The following SPINK1 variants were observed in gnomAD, a reference collection of about 807,000 sequenced individuals.
The protein encoded by SPINK1 is serine protease inhibitor Kazal-type 1.
A neutral mutation model predicts 9.5 loss-of-function variants in SPINK1; 5 were observed. The observed-to-expected ratio is 0.52, with a 90% CI of 0.27 to 1.10. The LOEUF is 1.10. SPINK1 is among the 50% of genes least tolerant of loss of function. The probability of loss-of-function intolerance (pLI) is 0.11; values close to 1 mark genes in which losing one functional copy is unlikely to be tolerated. For synonymous variants in SPINK1, 37 were observed against 32.3 expected (o/e 1.14, Z -0.49); for missense variants, 88 against 92.7 (o/e 0.95, Z 0.21).
At chr5:147,835,119 G>T (rs1390990348), upstream of SPINK1, among the ~76,000 whole-genome samples, 4 of 151,894 alleles carry the variant, frequency 2.6e-5, no homozygotes, top group Admixed American at 6.6e-5. Flanking sequence ...AAGTTAAAGA[G>T]GATAAAAAAA....
chr5:147,832,655 A>G (rs1756528594), upstream of SPINK1, among the ~76,000 whole-genome samples: 1 of 152,186 alleles, frequency 6.6e-6, no homozygotes. Flanking sequence ...GATGCCCCTT[A>G]AATTGGCCTG....
chr5:147,831,518 C>A lies in SPINK1; in HGVS notation c.55+5G>T, dbSNP rs879076423. The A allele has an allele frequency of 6.2e-7, 1 of 1,613,456 alleles. No homozygotes were observed. Among genetic ancestry groups the A allele is most frequent in the Non-Finnish European group, 8.5e-7 (1 of 1,179,792 alleles). ...ATTTAAATTTGAAAAATATGCAACA[C>A]TTACCAGATAGACTCAACAGGGCCA... On this transcript the variant is annotated splice_donor_5th_base_variant and intron_variant, in intron 1 of 3. Coordinates refer to ENST00000296695, the MANE Select transcript of SPINK1 (RefSeq NM_001379610.1).
At chr5:147,833,902 C>T (rs1002579839), upstream of SPINK1, among the ~76,000 whole-genome samples, 1 of 152,248 alleles carries the variant, frequency 6.6e-6, no homozygotes, top group South Asian at 2.1e-4. Context: ...TTCCTTGCTA[C>T]GTTGGTCATT....
intron 3 of SPINK1, among the ~76,000 whole-genome samples, 198 bp from the exon 4 acceptor site, chr5:147,824,904 A>G (rs1045053213): frequency 6.6e-6 from 1 of 152,206 alleles, no homozygotes; most frequent in Non-Finnish European, 1.5e-5. Flanking sequence ...ATTACTGTTG[A>G]ATACACTAAG....
chr5:147,834,517 G>C (rs1160698507), upstream of SPINK1, among the ~76,000 whole-genome samples: 1 of 152,054 alleles, frequency 6.6e-6, no homozygotes, highest in East Asian at 1.9e-4. Context: ...TTTGATTTGA[G>C]ATGAAAATAT....
chr5:147,826,120 T>A (rs2436411), intron 3 of SPINK1, among the ~76,000 whole-genome samples: 151,996 of 152,296 alleles, frequency 1, 75,849 homozygotes, highest in East Asian at 1. Context: ...CAGATTCCCT[T>A]TGAAGACGTA....
At chr5:147,838,645 T>C in the SPINK1 span, among the ~76,000 whole-genome samples, 95 of 152,334 alleles carry the variant, frequency 6.2e-4, no homozygotes, top group East Asian at 0.016. Context: ...TATCTGATTA[T>C]TTTTTAACAA....
At chr5:147,836,485 T>C (rs992032023), upstream of SPINK1, among the ~76,000 whole-genome samples, 1 of 152,130 alleles carries the variant, frequency 6.6e-6, no homozygotes, top group South Asian at 2.1e-4. Context: ...GAAATTCTAA[T>C]TTTTCATTTT....
upstream of SPINK1, chr5:147,831,687 C>A: frequency 6.4e-7 from 1 of 1,552,962 alleles, no homozygotes; most frequent in South Asian, 1.2e-5. Flanking sequence ...CAAGGCCCCA[C>A]CTACTGGGCT....
chr5:147,830,988 A>G (rs1197057688), intron 1 of SPINK1, among the ~76,000 whole-genome samples: 1 of 152,216 alleles, frequency 6.6e-6, no homozygotes, highest in Non-Finnish European at 1.5e-5. Flanking sequence ...AATACCAGGA[A>G]TTGAAAATAA....
intron 2 of SPINK1, 132 bp downstream of exon 2, chr5:147,829,467 T>A: frequency 1.2e-6 from 1 of 815,988 alleles, no homozygotes; most frequent in Non-Finnish European, 2.1e-6. Context: ...TTTGCATTTC[T>A]CACGTTAACC....
chr5:147,833,201 T>C (rs2127140348), upstream of SPINK1, among the ~76,000 whole-genome samples: 1 of 152,254 alleles, frequency 6.6e-6, no homozygotes, highest in Non-Finnish European at 1.5e-5. Context: ...TTTGACATGT[T>C]TGAGAAACAT....
chr5:147,833,904 T>C (rs778942247), upstream of SPINK1, among the ~76,000 whole-genome samples: 2 of 152,174 alleles, frequency 1.3e-5, no homozygotes, highest in Non-Finnish European at 2.9e-5. Flanking sequence ...CCTTGCTACG[T>C]TGGTCATTTC....
upstream of SPINK1, among the ~76,000 whole-genome samples, chr5:147,832,447 T>C (rs972487206): frequency 1.7e-4 from 26 of 152,190 alleles, no homozygotes; most frequent in African/African-American, 6.3e-4. Context: ...GGTGTTTATA[T>C]AACAAACGAC....
the SPINK1 span, among the ~76,000 whole-genome samples, chr5:147,837,196 C>CA: frequency 2.0e-5 from 3 of 152,164 alleles, no homozygotes; most frequent in Non-Finnish European, 4.4e-5. Flanking sequence ...GTGCCTGGCA[C>CA]AGCACCCTTT....
At chr5:147,836,731 G>A in the SPINK1 span, among the ~76,000 whole-genome samples, 4 of 152,060 alleles carry the variant, frequency 2.6e-5, no homozygotes, top group Non-Finnish European at 4.4e-5. Flanking sequence ...GTCTTTCTTG[G>A]TCATTTCCCG....
At chr5:147,832,231 T>C (rs371299291), upstream of SPINK1, among the ~76,000 whole-genome samples, 14 of 152,338 alleles carry the variant, frequency 9.2e-5, no homozygotes, top group South Asian at 2.3e-3. Flanking sequence ...GCTGTGCTTC[T>C]GTGTATTCAT....
At chr5:147,832,960 G>A (rs1415604908), upstream of SPINK1, among the ~76,000 whole-genome samples, 1 of 152,060 alleles carries the variant, frequency 6.6e-6, no homozygotes, top group African/African-American at 2.4e-5. Flanking sequence ...AAAATAATAA[G>A]TGATTATAAA....
chr5:147,827,189 GCCTCAGCCT>G, intron 3 of SPINK1: 1 of 151,980 alleles, frequency 6.6e-6, no homozygotes, highest in Non-Finnish European at 1.5e-5. Flanking sequence ...CGATTCTTCT[GCCTCAGCCT>G]CCTGAGTAGC....
Sources: allele counts gnomAD v4.1 joint callset (sites outside exome capture counted in the v4.1 genomes callset), GRCh38; gene constraint gnomAD v4.1.1; transcripts MANE v1.5; gene names NCBI Gene and HGNC (gene_info 2026-07-23, HGNC 2026-07-21).